CSNK1A1: variants seen among roughly 807,000 people sequenced by gnomAD.
CSNK1A1 encodes the protein casein kinase 1 alpha 1, also known as casein kinase I isoform alpha.
CSNK1A1 carries 7 observed loss-of-function variants against 46.1 expected under a neutral mutation model. The observed-to-expected ratio is 0.15, with a 90% confidence interval of 0.09 to 0.29. CSNK1A1 has a LOEUF of 0.29. Ranked by LOEUF, CSNK1A1 falls within the 10% of genes least tolerant of loss-of-function variation. CSNK1A1 has a pLI of 1.00. For synonymous variants in CSNK1A1, 137 were observed against 141.5 expected, an observed-to-expected ratio of 0.97 and a Z score of 0.23; for missense variants, 96 against 417.1, an observed-to-expected ratio of 0.23 and a Z score of 6.71.
At chr5:149,536,458 T>C (rs1762065216) in intron 2 of CSNK1A1, among the ~76,000 whole-genome samples, 1 of 152,056 alleles carries the variant, frequency 6.6e-6, no homozygotes, top group African/African-American at 2.4e-5. Flanking sequence ...ACAAAAACGA[T>C]ACAAAAAGGC....
rs1762626210 is a variant in CSNK1A1 at position 149,550,564 on chromosome 5, C to T, written c.123+278G>A. Among the ~76,000 whole-genome samples, 1 of 151,116 alleles carries T rather than the reference C, an allele frequency of 6.6e-6. No individual in the cohort carries two copies. The highest frequency in any genetic ancestry group is 2.1e-4 in the South Asian group (1 of 4,784). On this transcript the variant is annotated intron_variant, in intron 1 of 9. Transcript: ENST00000377843. The surrounding 1 kb of genome is among the most constrained non-coding windows in gnomAD (Gnocchi z 4.3). ...TGAAAGAGGATTTTGCCGTTTCCAC[C>T]TTAAAAGACGGTTAAAAAAAAAAAA...
In CSNK1A1 at chr5:149,525,019, T is replaced by C. The variant is rs766189134; in HGVS notation, c.357+26A>G. On this transcript the variant is annotated intron_variant, in intron 3 of 9. Coordinates refer to ENST00000377843, the MANE Select transcript of CSNK1A1 (RefSeq NM_001892.6). The surrounding 1 kb of genome is among the most constrained non-coding windows in gnomAD (Gnocchi z 4.2). Reference sequence around the variant, plus strand: ...CCAGTCAACAGTACTAGTCTCAGTTTATATTCTAATCAAAATTTCACATAC... The same window carrying C: ...CCAGTCAACAGTACTAGTCTCAGTTCATATTCTAATCAAAATTTCACATAC... 3.8e-6 allele frequency: 6 copies of C among 1,595,118 alleles called. No homozygotes were observed. The Admixed American group carries it at 1.1e-4, about 28-fold the overall frequency.
intron 3 of CSNK1A1, among the ~76,000 whole-genome samples, chr5:149,522,109 GTTTT>G (rs1761589997): frequency 2.0e-5 from 3 of 151,834 alleles, no homozygotes; most frequent in Admixed American, 2.0e-4. Context: ...GAAGTTCTGT[GTTTT>G]TTTGTTTTTT....
chr5:149,526,949 C>T (rs1240811588), intron 2 of CSNK1A1, among the ~76,000 whole-genome samples: 2 of 152,172 alleles, frequency 1.3e-5, no homozygotes, highest in Non-Finnish European at 2.9e-5. Context: ...TTCAGTTGTT[C>T]TTGAGAACTA....
intron 5 of CSNK1A1, among the ~76,000 whole-genome samples, chr5:149,512,437 T>C (rs1179454785): frequency 6.6e-6 from 1 of 152,114 alleles, no homozygotes; most frequent in Non-Finnish European, 1.5e-5. Flanking sequence ...TGGTATGAGG[T>C]TCTTTAACCT....
rs1370635805 is a variant in CSNK1A1, at chr5:149,529,969, TA to T, written c.231-4799del. Among the ~76,000 whole-genome samples the T allele has an allele frequency of 8.5e-5, 13 of 152,288 alleles. No individual in the cohort carries two copies. The East Asian group carries it at 2.5e-3, about 29-fold the overall frequency. On this transcript the variant is annotated intron_variant, in intron 2 of 9. Coordinates refer to ENST00000377843, the MANE Select transcript of CSNK1A1 (RefSeq NM_001892.6). ...AGAAAAAAAATACATATTTTTCATA[TA>T]AAAATATTTAAGTATTACTATGAGA...
chr5:149,495,873 G>T lies in CSNK1A1; in HGVS notation c.*980C>A, dbSNP rs190562278. On this transcript the variant is annotated 3_prime_UTR_variant, in exon 10 of 10. Transcript: ENST00000377843. ...ACGAAACCTAAATTGACTTGCAAAG[G>T]AATACCATGTAACAAATGGCTTGAA... 1 of 152,220 alleles carries T rather than the reference G, an allele frequency of 6.6e-6. No individual in the cohort carries two copies. The highest frequency in any genetic ancestry group is 1.5e-5 in the Non-Finnish European group (1 of 67,980). The allele number at this position is 152,220 out of a possible 1,614,324, so 9.4% of individuals were successfully genotyped here. A position where few individuals can be genotyped will look rare whatever the true frequency, so the allele number is the denominator to read the frequency against.
In CSNK1A1 at chr5:149,511,289, G is replaced by A. The variant is rs1025835644; in HGVS notation, c.675+505C>T. On this transcript the variant is annotated intron_variant, in intron 6 of 9. Transcript: ENST00000377843. ...CAGGCTGCAGTGAGCCAGGCATTCC[G>A]GCTTGGGCAACAGAGCAAGACCATT... Among the ~76,000 whole-genome samples, 24 of 152,194 alleles carry A rather than the reference G, an allele frequency of 1.6e-4. 1 individual carries two copies. Among genetic ancestry groups the A allele is most frequent in the African/African-American group, 5.3e-4 (22 of 41,522 alleles).
intron 9 of CSNK1A1, chr5:149,503,126 C>A: frequency 1.0e-6 from 1 of 985,324 alleles, no homozygotes; most frequent in Non-Finnish European, 1.2e-6. Context: ...CTTTTAAATG[C>A]CCTTGTTACT....
intron 2 of CSNK1A1, among the ~76,000 whole-genome samples, chr5:149,543,606 T>C (rs1762371753): frequency 1.3e-5 from 2 of 152,162 alleles, no homozygotes; most frequent in South Asian, 4.1e-4. Flanking sequence ...ACAGGATATA[T>C]GCTCAGTGCC....
chr5:149,550,047 G>A lies in CSNK1A1; in HGVS notation c.230+28C>T, dbSNP rs754817350. The A allele has an allele frequency of 6.2e-6, 10 of 1,605,246 alleles. No homozygotes were observed. The highest frequency in any genetic ancestry group is 1.3e-5 in the African/African-American group (1 of 74,624). Reference sequence around the variant, plus strand: ...TTCCCCATTCCGTGCTTCCCTCAGCGGATCGCCTATATGCACCGGGTTCTT... The same window carrying A: ...TTCCCCATTCCGTGCTTCCCTCAGCAGATCGCCTATATGCACCGGGTTCTT... On this transcript the variant is annotated intron_variant, in intron 2 of 9. Coordinates refer to ENST00000377843, the MANE Select transcript of CSNK1A1 (RefSeq NM_001892.6). This position sits in a 1 kb window ranked among gnomAD's most constrained non-coding sequence, Gnocchi z 4.3.
intron 2 of CSNK1A1, among the ~76,000 whole-genome samples, chr5:149,543,309 T>A (rs749425864): frequency 1.3e-5 from 2 of 152,182 alleles, no homozygotes; most frequent in Non-Finnish European, 2.9e-5. Context: ...ACAGTCTAAT[T>A]TGTATTAGTA....
chr5:149,512,921 T>C (rs1761276782), intron 5 of CSNK1A1, 149 bp downstream of exon 5: 12 of 944,826 alleles, frequency 1.3e-5, no homozygotes, highest in Non-Finnish European at 1.5e-6. Context: ...TCTACACTGG[T>C]TAAAGCAGCA....
intron 2 of CSNK1A1, among the ~76,000 whole-genome samples, chr5:149,534,538 G>C (rs142269900): frequency 6.7e-6 from 1 of 150,260 alleles, no homozygotes; most frequent in Non-Finnish European, 1.5e-5. Flanking sequence ...TAGCACCTGG[G>C]CTAAATTTTG....
At chr5:149,531,652 A>G (rs1358027692) in intron 2 of CSNK1A1, among the ~76,000 whole-genome samples, 5 of 151,442 alleles carry the variant, frequency 3.3e-5, no homozygotes, top group Non-Finnish European at 7.4e-5. Context: ...GTTCGAGACC[A>G]GCCTAGCCAA....
chr5:149,514,709 G>A (rs1379324163), intron 4 of CSNK1A1, among the ~76,000 whole-genome samples: 4 of 152,184 alleles, frequency 2.6e-5, no homozygotes, highest in Non-Finnish European at 5.9e-5. Flanking sequence ...TCTCCTAGGA[G>A]CATGAGTAAC....
At position 149,494,172 on chromosome 5, in the gene CSNK1A1, C is replaced by T. The variant is rs191758468; in HGVS notation, c.*2681G>A. 5 of 152,178 alleles carry T rather than the reference C, an allele frequency of 3.3e-5. No individual in the cohort carries two copies. The highest frequency in any genetic ancestry group is 1.5e-5 in the Non-Finnish European group (1 of 68,012). The allele number at this position is 152,178 out of a possible 1,614,324, so 9.4% of individuals were successfully genotyped here. On this transcript the variant is annotated 3_prime_UTR_variant, in exon 10 of 10. Transcript: ENST00000377843. ...AAACTTATGACTATTACAGTATGCT[C>T]AGCTTAAAACATTTATGAGTACTGC... is the stretch of plus-strand genomic sequence containing the variant.
At chr5:149,547,169 A>T (rs927542011) in intron 2 of CSNK1A1, among the ~76,000 whole-genome samples, 2 of 152,212 alleles carry the variant, frequency 1.3e-5, no homozygotes, top group Non-Finnish European at 2.9e-5. Flanking sequence ...CCTTAGAGCC[A>T]GATCCTGAAA....
chr5:149,499,846 T>C (rs938186581), intron 9 of CSNK1A1, among the ~76,000 whole-genome samples: 1 of 152,128 alleles, frequency 6.6e-6, no homozygotes, highest in African/African-American at 2.4e-5. Context: ...GCTTTTGATA[T>C]TTAGGATCCC....
Sources: allele counts gnomAD v4.1 joint callset (sites outside exome capture counted in the v4.1 genomes callset), GRCh38; gene constraint gnomAD v4.1.1; non-coding constraint Gnocchi (gnomAD v3.1); transcripts MANE v1.5; gene names NCBI Gene and HGNC (gene_info 2026-07-23, HGNC 2026-07-21).